Variants in TTC29 observed in about 807,000 individuals in gnomAD.
The protein encoded by TTC29 is tetratricopeptide repeat domain 29.
In TTC29, 49 loss-of-function variants were observed where a neutral mutation model predicts 58.1. The observed-to-expected ratio is 0.84, with a 90% CI of 0.67 to 1.07. TTC29 has a LOEUF of 1.07. TTC29 is among the 50% of genes least tolerant of loss of function. The pLI is 0.00. For synonymous variants in TTC29, 209 were observed against 196.8 expected (o/e 1.06, Z -0.52); for missense variants, 582 against 555.6 (o/e 1.05, Z -0.48).
At chr4:146,749,413 A>G (rs559994512) in intron 11 of TTC29, among the ~76,000 whole-genome samples, 2 of 152,272 alleles carry the variant, frequency 1.3e-5, no homozygotes, top group South Asian at 2.1e-4. Flanking sequence ...AGCAGGCTAG[A>G]TCAAGGAGAA....
intron 8 of TTC29, among the ~76,000 whole-genome samples, chr4:146,866,311 A>T (rs1730560112): frequency 6.6e-6 from 1 of 152,172 alleles, no homozygotes; most frequent in South Asian, 2.1e-4. Flanking sequence ...TTCCCAACAC[A>T]CTGAGTATGT....
intron 11 of TTC29, among the ~76,000 whole-genome samples, chr4:146,791,248 ATGGT>A (rs1436442738): frequency 1.7e-4 from 26 of 152,316 alleles, no homozygotes; most frequent in South Asian, 8.3e-4. Context: ...TTGAAGGTGT[ATGGT>A]AACCTTGCTT....
At chr4:146,778,994 A>G (rs933755684) in intron 11 of TTC29, among the ~76,000 whole-genome samples, 1 of 85,308 alleles carries the variant, frequency 1.2e-5, no homozygotes, top group Non-Finnish European at 2.2e-5. Flanking sequence ...AAAAAAAAAA[A>G]AAAAAAAAAG....
intron 11 of TTC29, among the ~76,000 whole-genome samples, chr4:146,758,138 G>A (rs1251297951): frequency 1.3e-5 from 2 of 151,998 alleles, no homozygotes; most frequent in Admixed American, 6.6e-5. Context: ...TTAAAGGGGT[G>A]GAAAAAGGCA....
chr4:146,890,857 T>C (rs1252621867), intron 6 of TTC29, among the ~76,000 whole-genome samples: 1 of 152,162 alleles, frequency 6.6e-6, no homozygotes, highest in Admixed American at 6.6e-5. Flanking sequence ...TTTTGTTTTT[T>C]GCTTTTTTTT....
intron 11 of TTC29, among the ~76,000 whole-genome samples, chr4:146,726,979 CACTT>C (rs922280295): frequency 2.0e-5 from 3 of 151,834 alleles, no homozygotes; most frequent in Non-Finnish European, 4.4e-5. Context: ...TCCTTGATCC[CACTT>C]ACTTACTTCC....
intron 11 of TTC29, among the ~76,000 whole-genome samples, chr4:146,712,033 A>C (rs549550007): frequency 6.6e-6 from 1 of 151,966 alleles, no homozygotes; most frequent in East Asian, 1.9e-4. Context: ...ATAAATACAT[A>C]AATAAATAGA....
chr4:146,751,782 C>A (rs1746017540), intron 11 of TTC29, among the ~76,000 whole-genome samples: 1 of 151,824 alleles, frequency 6.6e-6, no homozygotes, highest in South Asian at 2.1e-4. Flanking sequence ...TAACATTATA[C>A]CTCCAGGAAC....
At chr4:146,707,286 G>A in intron 12 of TTC29, 98 bp from the exon 13 acceptor site, 1 of 921,244 alleles carries the variant, frequency 1.1e-6, no homozygotes, top group South Asian at 2.0e-5. Context: ...ATTTTCAGAT[G>A]TGGCTTCAAA....
chr4:146,899,892 C>G (rs1733025360), intron 6 of TTC29, among the ~76,000 whole-genome samples: 1 of 152,146 alleles, frequency 6.6e-6, no homozygotes, highest in Non-Finnish European at 1.5e-5. Context: ...GAGGGCACCC[C>G]TGGAATCAGG....
intron 10 of TTC29, among the ~76,000 whole-genome samples, chr4:146,804,614 T>C (rs75700382): frequency 0.062 from 9,377 of 152,146 alleles, 388 homozygotes; most frequent in Admixed American, 0.13. Flanking sequence ...AAAGAAAGCC[T>C]CTGGGAAGTT....
At chr4:146,871,123 A>G (rs1310431800) in intron 7 of TTC29, among the ~76,000 whole-genome samples, 1 of 152,006 alleles carries the variant, frequency 6.6e-6, no homozygotes, top group East Asian at 1.9e-4. Context: ...ACATATAAGA[A>G]GGATTATACA....
At chr4:146,742,385 C>T (rs1745217805) in intron 11 of TTC29, among the ~76,000 whole-genome samples, 1 of 152,176 alleles carries the variant, frequency 6.6e-6, no homozygotes, top group Non-Finnish European at 1.5e-5. Context: ...TCTAGAGGGA[C>T]AGGTGAGAAT....
At chr4:146,873,637 A>G (rs1051239139) in intron 7 of TTC29, among the ~76,000 whole-genome samples, 3 of 152,198 alleles carry the variant, frequency 2.0e-5, no homozygotes, top group Admixed American at 1.3e-4. Context: ...TGAAATTGAT[A>G]TAAGAGCTAA....
At chr4:146,901,927 T>C (rs1421610148) in intron 6 of TTC29, among the ~76,000 whole-genome samples, 1 of 152,172 alleles carries the variant, frequency 6.6e-6, no homozygotes, top group African/African-American at 2.4e-5. Context: ...TGACACTAGG[T>C]TCTAAATCAC....
intron 8 of TTC29, among the ~76,000 whole-genome samples, chr4:146,842,825 A>G (rs769096097): frequency 6.6e-6 from 1 of 152,216 alleles, no homozygotes; most frequent in African/African-American, 2.4e-5. Context: ...ATACAGATTT[A>G]TACTTATGCA....
At chr4:146,882,815 T>C (rs1241534028) in intron 6 of TTC29, among the ~76,000 whole-genome samples, 1 of 152,106 alleles carries the variant, frequency 6.6e-6, no homozygotes. Context: ...GATTAACGTG[T>C]TATTTTGGAT....
At chr4:146,778,760 A>C (rs2150084002) in intron 11 of TTC29, among the ~76,000 whole-genome samples, 1 of 152,196 alleles carries the variant, frequency 6.6e-6, no homozygotes, top group Admixed American at 6.5e-5. Flanking sequence ...CTCACTTATA[A>C]GCAGGAGTGA....
intron 11 of TTC29, among the ~76,000 whole-genome samples, chr4:146,726,133 C>T (rs1284940031): frequency 6.6e-6 from 1 of 152,038 alleles, no homozygotes; most frequent in Non-Finnish European, 1.5e-5. Flanking sequence ...CCTTGGCCTC[C>T]CAAAATGTTT....
Sources: allele counts gnomAD v4.1 joint callset (sites outside exome capture counted in the v4.1 genomes callset), GRCh38; gene constraint gnomAD v4.1.1; transcripts MANE v1.5; gene names NCBI Gene and HGNC (gene_info 2026-07-23, HGNC 2026-07-21).